The following EEPD1 variants were observed in gnomAD, a reference collection of about 807,000 sequenced individuals.
The protein encoded by EEPD1 is endonuclease/exonuclease/phosphatase family domain containing 1.
EEPD1 carries 17 observed loss-of-function variants against 46.3 expected under a neutral mutation model. The observed-to-expected ratio is 0.37, with a 90% confidence interval of 0.25 to 0.55. The LOEUF (loss-of-function observed/expected upper bound fraction) is 0.55. EEPD1 is among the 20% of genes least tolerant of loss of function. EEPD1 has a pLI of 0.83. For synonymous variants in EEPD1, 313 were observed against 315.6 expected, an observed-to-expected ratio of 0.99 and a Z score of 0.09; for missense variants, 673 against 745.6, an observed-to-expected ratio of 0.90 and a Z score of 1.13.
At chr7:36,178,327 G>A (rs1425881435) in intron 2 of EEPD1, among the ~76,000 whole-genome samples, 1 of 152,234 alleles carries the variant, frequency 6.6e-6, no homozygotes, top group African/African-American at 2.4e-5. Flanking sequence ...ACACGCTGCA[G>A]TAAAGGTGGA....
At chr7:36,191,589 G>C (rs1285749132) in intron 2 of EEPD1, among the ~76,000 whole-genome samples, 10 of 152,230 alleles carry the variant, frequency 6.6e-5, no homozygotes, top group African/African-American at 2.4e-4. Context: ...GAGCTAACTA[G>C]AACTGGTTTT....
chr7:36,299,557 G>A lies in EEPD1; in HGVS notation c.*351G>A. ...AGGGAGGAGAAGAAGGGGTGCTCAG[G>A]CTGCGGGCCACAGTCCAGCAGCGCC... is the stretch of plus-strand genomic sequence containing the variant. On this transcript the variant is annotated 3_prime_UTR_variant, in exon 8 of 8. Coordinates refer to ENST00000242108, the MANE Select transcript of EEPD1 (RefSeq NM_030636.3). The A allele has an allele frequency of 3.3e-6, 1 of 304,434 alleles. No homozygotes were observed. 18.9% of individuals were successfully genotyped at this position (304,434 alleles called of 1,614,324 possible).
At chr7:36,190,714 A>G (rs1785447075) in intron 2 of EEPD1, among the ~76,000 whole-genome samples, 1 of 152,230 alleles carries the variant, frequency 6.6e-6, no homozygotes. Flanking sequence ...AGCCTGGCAC[A>G]CAAAAATAAT....
rs147595847 is a variant in EEPD1, at chr7:36,293,252, A to G, written c.1316-3741A>G. 2.8e-3 allele frequency among the ~76,000 whole-genome samples: 421 copies of G among 152,358 alleles called. 4 individuals carry two copies. The highest frequency in any genetic ancestry group is 9.5e-3 in the African/African-American group (395 of 41,584). On this transcript the variant is annotated intron_variant, in intron 6 of 7. Coordinates refer to ENST00000242108, the MANE Select transcript of EEPD1 (RefSeq NM_030636.3). ...AAGAATTTTTTTAATAAATACTTCA[A>G]TCAATGGAGAAACATGGCAAAGTGT...
chr7:36,212,991 A>G (rs889627408), intron 2 of EEPD1, among the ~76,000 whole-genome samples: 2 of 152,112 alleles, frequency 1.3e-5, no homozygotes, highest in African/African-American at 2.4e-5. Context: ...TGTCTCTACT[A>G]AAAATACAAA....
chr7:36,186,083 C>G (rs188484917), intron 2 of EEPD1, among the ~76,000 whole-genome samples: 1 of 152,124 alleles, frequency 6.6e-6, no homozygotes, highest in Non-Finnish European at 1.5e-5. Context: ...TTGGCTTCTT[C>G]GTGGCATTTG....
At position 36,249,794 on chromosome 7, in the gene EEPD1, C is replaced by T. The variant is rs143902132; in HGVS notation, c.930+10758C>T. Among the ~76,000 whole-genome samples the T allele has an allele frequency of 4.6e-5, 7 of 152,252 alleles. No individual in the cohort carries two copies. The East Asian group carries it at 1.2e-3, about 25-fold the overall frequency. On this transcript the variant is annotated intron_variant, in intron 3 of 7. Coordinates refer to ENST00000242108, the MANE Select transcript of EEPD1 (RefSeq NM_030636.3). ...CCTTTCCCTTTCGTATCTCCTGTAG[C>T]TCGCATTGTAACTTAAGAGAAAAAC... is the stretch of plus-strand genomic sequence containing the variant.
chr7:36,176,184 G>A (rs1290896457), intron 2 of EEPD1, among the ~76,000 whole-genome samples: 2 of 152,198 alleles, frequency 1.3e-5, no homozygotes, highest in Non-Finnish European at 2.9e-5. Flanking sequence ...GGCCTCTCAG[G>A]GCAGAACCTC....
At chr7:36,243,846 A>G (rs991683834) in intron 3 of EEPD1, among the ~76,000 whole-genome samples, 4 of 144,662 alleles carry the variant, frequency 2.8e-5, no homozygotes, top group African/African-American at 7.6e-5. Context: ...GAATTGAACA[A>G]TGAGAACACA....
chr7:36,175,664 A>C (rs2726110), intron 2 of EEPD1, among the ~76,000 whole-genome samples: 34,401 of 152,000 alleles, frequency 0.23, 4,276 homozygotes, highest in African/African-American at 0.3. Context: ...TCCCTAGATG[A>C]CATGAGAACC....
intron 3 of EEPD1, among the ~76,000 whole-genome samples, chr7:36,244,976 C>T (rs549890049): frequency 1.3e-5 from 2 of 148,728 alleles, no homozygotes; most frequent in East Asian, 2.0e-4. Context: ...GATGGAGTCT[C>T]GCTCTGTTGC....
At chr7:36,195,819 C>T (rs1785571664) in intron 2 of EEPD1, among the ~76,000 whole-genome samples, 1 of 152,168 alleles carries the variant, frequency 6.6e-6, no homozygotes, top group African/African-American at 2.4e-5. Flanking sequence ...TTCACCATAA[C>T]ACAATGTATA....
At chr7:36,266,522 T>TA (rs994115749) in intron 3 of EEPD1, among the ~76,000 whole-genome samples, 2 of 152,244 alleles carry the variant, frequency 1.3e-5, no homozygotes. Context: ...TCCTCTGTGT[T>TA]ACCCTCAACA....
At chr7:36,202,184 G>A (rs1219845500) in intron 2 of EEPD1, among the ~76,000 whole-genome samples, 1 of 152,238 alleles carries the variant, frequency 6.6e-6, no homozygotes, top group Non-Finnish European at 1.5e-5. Context: ...CTGAATAGGA[G>A]TCAGTGTGAG....
chr7:36,232,134 C>T (rs1293092224), intron 2 of EEPD1, among the ~76,000 whole-genome samples: 2 of 92,768 alleles, frequency 2.2e-5, no homozygotes, highest in East Asian at 3.2e-4. Context: ...TTATCATCTT[C>T]TCTCCCTCTG....
intron 4 of EEPD1, 102 bp downstream of exon 4, chr7:36,281,327 T>A (rs1477487947): frequency 6.8e-6 from 7 of 1,028,038 alleles, no homozygotes; most frequent in Non-Finnish European, 1.0e-5. Flanking sequence ...ATATCCCCGG[T>A]TCAATTTTGT....
At chr7:36,266,543 C>T (rs866204688) in intron 3 of EEPD1, among the ~76,000 whole-genome samples, 1 of 152,232 alleles carries the variant, frequency 6.6e-6, no homozygotes, top group East Asian at 1.9e-4. Context: ...TCTAGCCCAT[C>T]ACTCAAGTCA....
At chr7:36,162,897 A>G (rs2726099) in intron 2 of EEPD1, among the ~76,000 whole-genome samples, 48,657 of 152,072 alleles carry the variant, frequency 0.32, 8,495 homozygotes, top group Middle Eastern at 0.43. Context: ...AAGGTTGCAC[A>G]TGCTTTGGAT....
chr7:36,166,579 A>C (rs1562670916), intron 2 of EEPD1, among the ~76,000 whole-genome samples: 1 of 152,188 alleles, frequency 6.6e-6, no homozygotes, highest in Admixed American at 6.5e-5. Flanking sequence ...CAAACAAAAA[A>C]ACAGGCTTTC....
Sources: allele counts gnomAD v4.1 joint callset (sites outside exome capture counted in the v4.1 genomes callset), GRCh38; gene constraint gnomAD v4.1.1; transcripts MANE v1.5; gene names NCBI Gene and HGNC (gene_info 2026-07-23, HGNC 2026-07-21).